The following ATG4C variants were observed in gnomAD, a reference collection of about 807,000 sequenced individuals.
ATG4C encodes cysteine protease ATG4C.
Under a neutral mutation model 57.6 loss-of-function variants are expected in ATG4C, and 56 were observed. The observed-to-expected ratio is 0.97, with a 90% CI of 0.78 to 1.21. ATG4C has a LOEUF of 1.21. Among genes scored for constraint, ATG4C ranks in the 50% most tolerant of loss-of-function variants. The pLI is 0.00. For missense variants in ATG4C, 595 were observed against 529.8 expected (o/e 1.12, Z -1.21); for synonymous variants, 157 against 174.1 (o/e 0.90, Z 0.78).
At chr1:62,815,073 A>AAAAT (rs200536076) in intron 3 of ATG4C, among the ~76,000 whole-genome samples, 19 of 152,124 alleles carry the variant, frequency 1.2e-4, no homozygotes, top group Non-Finnish European at 1.8e-4. Context: ...TCAAAAACTA[A>AAAAT]AAATAAATAA....
chr1:62,790,964 G>A (rs981627901), intron 1 of ATG4C, among the ~76,000 whole-genome samples: 9 of 152,084 alleles, frequency 5.9e-5, no homozygotes, highest in African/African-American at 2.2e-4. Context: ...TAGGTCTAAT[G>A]TTTTCCTGTA....
intron 1 of ATG4C, among the ~76,000 whole-genome samples, chr1:62,793,035 T>C (rs374532940): frequency 1.0e-3 from 155 of 151,350 alleles, no homozygotes; most frequent in African/African-American, 2.6e-3. Context: ...TACAGGCGCC[T>C]GCCACCACGC....
chr1:62,798,977 C>T (rs1246394265), intron 1 of ATG4C, among the ~76,000 whole-genome samples: 6 of 152,106 alleles, frequency 3.9e-5, no homozygotes, highest in African/African-American at 1.2e-4. Flanking sequence ...CTTGTTCTGT[C>T]GTCCAGGTTG....
intron 1 of ATG4C, among the ~76,000 whole-genome samples, chr1:62,785,073 C>G (rs1005768824): frequency 6.6e-6 from 1 of 152,176 alleles, no homozygotes; most frequent in South Asian, 2.1e-4. Context: ...CTTTTTATAT[C>G]CGAATTACTT....
intron 9 of ATG4C, among the ~76,000 whole-genome samples, chr1:62,837,385 T>G (rs1483359464): frequency 1.3e-5 from 2 of 151,928 alleles, no homozygotes; most frequent in Non-Finnish European, 2.9e-5. Flanking sequence ...GAGGGCACAT[T>G]ATAATGTAGA....
chr1:62,825,477 T>G (rs527439535), intron 6 of ATG4C, among the ~76,000 whole-genome samples: 104 of 152,274 alleles, frequency 6.8e-4, no homozygotes, highest in African/African-American at 2.4e-3. Context: ...CAGCCTGGTT[T>G]GTTGGTTTTT....
At chr1:62,853,809 T>C (rs938826145) in intron 10 of ATG4C, among the ~76,000 whole-genome samples, 8 of 152,220 alleles carry the variant, frequency 5.3e-5, no homozygotes, top group African/African-American at 1.9e-4. Context: ...GCATTCTTTG[T>C]CATTGATTGT....
chr1:62,798,570 T>G (rs146510070), intron 1 of ATG4C, among the ~76,000 whole-genome samples: 128 of 152,306 alleles, frequency 8.4e-4, no homozygotes, highest in African/African-American at 2.7e-3. Flanking sequence ...CTTTCCAACA[T>G]GGCTCAAGGG....
chr1:62,805,580 A>AT lies in ATG4C; in HGVS notation c.160+332dup, dbSNP rs1262857985. The stretch of plus-strand genomic sequence containing the variant: ...CACCTTAGTTAATCTAAAAATGATA[A>AT]TTTTTTTAATTCTTAAGGATGTTTC... On this transcript the variant is annotated intron_variant, in intron 3 of 10. Transcript: ENST00000317868. Among the ~76,000 whole-genome samples the AT allele has an allele frequency of 2.0e-5, 3 of 152,186 alleles. No individual in the cohort carries two copies. In the East Asian group the frequency reaches 5.8e-4, roughly 29 times the overall value.
chr1:62,837,573 C>A (rs191060809), intron 9 of ATG4C, among the ~76,000 whole-genome samples: 196 of 152,200 alleles, frequency 1.3e-3, no homozygotes, highest in African/African-American at 4.5e-3. Flanking sequence ...TCAGTTTGTT[C>A]TGATTGCTGG....
At chr1:62,803,683 G>T in intron 1 of ATG4C, 36 bp from the exon 2 acceptor site, 1 of 656,822 alleles carries the variant, frequency 1.5e-6, no homozygotes, top group Non-Finnish European at 2.5e-6. Flanking sequence ...AACCATATAT[G>T]TAGTAATTAC....
chr1:62,841,979 G>T (rs1367687664), intron 10 of ATG4C, among the ~76,000 whole-genome samples: 1 of 152,042 alleles, frequency 6.6e-6, no homozygotes, highest in East Asian at 1.9e-4. Context: ...GGTATTTTTG[G>T]ATTTCTCAGA....
chr1:62,803,521 A>G (rs1373465770), intron 1 of ATG4C, among the ~76,000 whole-genome samples, 198 bp from the exon 2 acceptor site: 7 of 152,202 alleles, frequency 4.6e-5, no homozygotes, highest in Admixed American at 4.6e-4. Context: ...TAATTAAAAT[A>G]TAGAATATCT....
chr1:62,816,820 TTC>T lies in ATG4C; in HGVS notation c.394+14_394+15del. 1 of 1,498,302 alleles carries T rather than the reference TTC, an allele frequency of 6.7e-7. No individual in the cohort carries two copies. Among genetic ancestry groups the T allele is most frequent in the Non-Finnish European group, 8.9e-7 (1 of 1,118,116 alleles). 92.8% of individuals were successfully genotyped at this position (1,498,302 alleles called of 1,614,324 possible). On this transcript the variant is annotated intron_variant, in intron 4 of 10. Coordinates refer to ENST00000317868, the MANE Select transcript of ATG4C (RefSeq NM_032852.4). ...CTTTCTTGGTAGAGGTAAATCAAATTTCTGTTTTTGTTTTGTTTTGTTTTGTT... is the reference window on the plus strand; with the variant it reads ...CTTTCTTGGTAGAGGTAAATCAAATTTGTTTTTGTTTTGTTTTGTTTTGTT...
intron 1 of ATG4C, among the ~76,000 whole-genome samples, chr1:62,802,490 A>G (rs1369788297): frequency 6.6e-6 from 1 of 151,946 alleles, no homozygotes; most frequent in East Asian, 1.9e-4. Context: ...AGAAATCCAA[A>G]CACTTCCAGT....
intron 9 of ATG4C, 29 bp downstream of exon 9, chr1:62,834,881 T>C: frequency 6.4e-7 from 1 of 1,568,732 alleles, no homozygotes; most frequent in East Asian, 2.3e-5. Context: ...TGATACTGTT[T>C]TCTTACCATA....
intron 3 of ATG4C, among the ~76,000 whole-genome samples, chr1:62,806,546 T>C (rs1020000523): frequency 3.3e-5 from 5 of 152,030 alleles, no homozygotes; most frequent in Non-Finnish European, 7.4e-5. Context: ...AGAAATACTT[T>C]GAAAAATCAA....
chr1:62,800,576 ACT>A (rs1428349394), intron 1 of ATG4C, among the ~76,000 whole-genome samples: 1 of 152,024 alleles, frequency 6.6e-6, no homozygotes, highest in African/African-American at 2.4e-5. Flanking sequence ...CATTTTATAA[ACT>A]CTTTTCCTTT....
Position 62,818,931 on chromosome 1 carries a change from A to G in ATG4C, c.395-74A>G, listed in dbSNP as rs1415377089. On this transcript the variant is annotated intron_variant, in intron 4 of 10. Transcript: ENST00000317868. ...AGTAACCCAAATGACCTTAAATGCTACGTATTTATTTTAGTAGAATTGTTA... is the reference window on the plus strand; with the variant it reads ...AGTAACCCAAATGACCTTAAATGCTGCGTATTTATTTTAGTAGAATTGTTA... 2.4e-5 allele frequency: 29 copies of G among 1,187,634 alleles called. No individual in the cohort carries two copies. In the East Asian group the frequency reaches 6.8e-4, roughly 28 times the overall value. 73.6% of individuals were successfully genotyped at this position (1,187,634 alleles called of 1,614,324 possible).
Sources: gnomAD v4.1 joint callset for allele counts (sites outside exome capture counted in the v4.1 genomes callset) on GRCh38, gnomAD v4.1.1 for gene constraint, MANE v1.5 for transcripts, NCBI Gene and HGNC (gene_info 2026-07-23, HGNC 2026-07-21) for gene names.